The following TSC22D2 variants were observed in gnomAD, a reference collection of about 807,000 sequenced individuals.
The protein encoded by TSC22D2 is TSC22 domain family member 2, also known as TSC22 domain family protein 2.
In TSC22D2, 5 loss-of-function variants were observed where a neutral mutation model predicts 50.1. That is an observed-to-expected ratio of 0.10 (90% CI 0.05 to 0.21). The LOEUF is 0.21. Ranked by LOEUF, TSC22D2 falls within the 10% of genes least tolerant of loss-of-function variation. The pLI is 1.00. For missense variants in TSC22D2, 1,003 were observed against 1,015.5 expected, an observed-to-expected ratio of 0.99 and a Z score of 0.17; for synonymous variants, 501 against 450.1, an observed-to-expected ratio of 1.11 and a Z score of -1.43.
chr3:150,410,932 A>G lies in TSC22D2; in HGVS notation c.1582A>G (p.Met528Val), dbSNP rs763981131. 4 of 1,613,944 alleles carry G rather than the reference A, an allele frequency of 2.5e-6. No individual in the cohort carries two copies. The highest frequency in any genetic ancestry group is 2.7e-5 in the African/African-American group (2 of 74,924). ...TAGTGTGTCTACCACTTCTGTTACT[A>G]TGCCAAATGTACCCGCGCCTCTGGC... ...VPSVSTTSVT[M>V]PNVPAPLAQS... is the part of the protein sequence containing the mutation. The change falls in exon 1 of 3, where the codon ATG becomes GTG. Residue 528 changes from methionine (M) to valine (V), a missense_variant. Around this residue, in one of 6 missense-constraint regions of TSC22D2, gnomAD observed 696 missense variants for 647.8 expected, o/e 1.07. Transcript: ENST00000688009.
intron 1 of TSC22D2, among the ~76,000 whole-genome samples, chr3:150,415,397 TAGG>T (rs1282486093): frequency 6.6e-6 from 1 of 152,254 alleles, no homozygotes; most frequent in East Asian, 1.9e-4. Context: ...TTTTTCTTTT[TAGG>T]AGATCACAAC....
chr3:150,420,818 A>T (rs1028207477), intron 1 of TSC22D2, among the ~76,000 whole-genome samples: 5 of 147,960 alleles, frequency 3.4e-5, no homozygotes, highest in Non-Finnish European at 7.7e-5. Flanking sequence ...GTGGTGGCTC[A>T]TGCCTGTAAT....
At chr3:150,432,555 G>A (rs1217748752) in intron 1 of TSC22D2, among the ~76,000 whole-genome samples, 11 of 148,690 alleles carry the variant, frequency 7.4e-5, no homozygotes, top group African/African-American at 2.7e-4. Flanking sequence ...TTTTTCTACC[G>A]AATCTAAAAT....
chr3:150,430,478 G>A (rs1198826869), intron 1 of TSC22D2, among the ~76,000 whole-genome samples: 1 of 152,158 alleles, frequency 6.6e-6, no homozygotes, highest in Non-Finnish European at 1.5e-5. Flanking sequence ...TGACTCCAAA[G>A]TGCCAAACCT....
At chr3:150,455,801 T>A (rs1721167243) in intron 1 of TSC22D2, among the ~76,000 whole-genome samples, 1 of 152,214 alleles carries the variant, frequency 6.6e-6, no homozygotes, top group Admixed American at 6.5e-5. Context: ...TAGTAACATA[T>A]AAAAAATTAT....
intron 1 of TSC22D2, among the ~76,000 whole-genome samples, chr3:150,448,485 A>C (rs1720948701): frequency 6.6e-6 from 1 of 152,156 alleles, no homozygotes; most frequent in Non-Finnish European, 1.5e-5. Context: ...CATCTCTATA[A>C]AAACAACAAC....
rs759119717 is a variant in TSC22D2, at chr3:150,410,059, G to A, written c.709G>A (p.Gly237Arg). Residue 237 changes from glycine (G) to arginine (R), a missense_variant, in exon 1 of 3, where the codon GGG (glycine) becomes AGG (arginine). This residue lies in a region of TSC22D2 where 696 missense variants were observed against 647.8 expected (regional missense o/e 1.07). Coordinates refer to ENST00000688009, the MANE Select transcript of TSC22D2 (RefSeq NM_001303264.2). ...AGTGGCCTCCATGCAGGGGGCGCAC[G>A]GGCCCGAGTCGGGAACTGACAGCTC... ...VVVASMQGAHGPESGTDSSLT... is the reference protein window; with the variant it reads ...VVVASMQGAHRPESGTDSSLT... 6.2e-7 allele frequency: 1 copy of A among 1,613,092 alleles called. No homozygotes were observed. The highest frequency in any genetic ancestry group is 8.5e-7 in the Non-Finnish European group (1 of 1,180,022).
intron 1 of TSC22D2, among the ~76,000 whole-genome samples, chr3:150,414,228 A>G (rs1361816293): frequency 2.0e-5 from 3 of 152,208 alleles, no homozygotes; most frequent in Non-Finnish European, 4.4e-5. Flanking sequence ...AGAAAGGTTT[A>G]TGGTCAGTTG....
chr3:150,449,800 T>C (rs1720987438), intron 1 of TSC22D2, among the ~76,000 whole-genome samples: 1 of 151,996 alleles, frequency 6.6e-6, no homozygotes, highest in Non-Finnish European at 1.5e-5. Flanking sequence ...AGGAGAGAAA[T>C]CTGTTTTGGA....
chr3:150,413,153 T>C (rs962494022), intron 1 of TSC22D2, among the ~76,000 whole-genome samples: 20 of 152,204 alleles, frequency 1.3e-4, no homozygotes, highest in African/African-American at 4.8e-4. Context: ...GAAACTGAAA[T>C]GTATTCTTTA....
chr3:150,432,585 T>A (rs185037158), intron 1 of TSC22D2, among the ~76,000 whole-genome samples: 6,728 of 147,428 alleles, frequency 0.046, 178 homozygotes, highest in Middle Eastern at 0.074. Flanking sequence ...GAGCTTTTTT[T>A]AAAAAAAAAA....
intron 1 of TSC22D2, among the ~76,000 whole-genome samples, chr3:150,447,579 A>G (rs1720925736): frequency 6.6e-6 from 1 of 152,104 alleles, no homozygotes; most frequent in Non-Finnish European, 1.5e-5. Flanking sequence ...TATTTGCACC[A>G]CCTACTCCCC....
At chr3:150,453,129 G>A (rs1032053816) in intron 1 of TSC22D2, among the ~76,000 whole-genome samples, 2 of 152,008 alleles carry the variant, frequency 1.3e-5, no homozygotes, top group African/African-American at 2.4e-5. Context: ...GTAGGGTACC[G>A]GGTATATATA....
At chr3:150,424,110 C>T (rs1720097572) in intron 1 of TSC22D2, among the ~76,000 whole-genome samples, 1 of 152,156 alleles carries the variant, frequency 6.6e-6, no homozygotes, top group Admixed American at 6.5e-5. Flanking sequence ...GGGAAATTTT[C>T]TAACAGTATC....
intron 1 of TSC22D2, among the ~76,000 whole-genome samples, chr3:150,411,613 C>T (rs948169644): frequency 2.6e-5 from 4 of 152,092 alleles, no homozygotes; most frequent in African/African-American, 9.7e-5. Context: ...GTTATGCTCC[C>T]ATAGAATTGT....
chr3:150,433,628 C>A lies in TSC22D2; in HGVS notation c.1958+22320C>A, dbSNP rs117266676. On this transcript the variant is annotated intron_variant, in intron 1 of 2. Coordinates refer to ENST00000688009, the MANE Select transcript of TSC22D2 (RefSeq NM_001303264.2). ...ACCGTTGGTCTTCAGAAAATTTCTGCGTTTATTTGCAGTAGCTGTTTTTAT... is the reference window on the plus strand; with the variant it reads ...ACCGTTGGTCTTCAGAAAATTTCTGAGTTTATTTGCAGTAGCTGTTTTTAT... Among the ~76,000 whole-genome samples the A allele has an allele frequency of 3.3e-3, 502 of 152,248 alleles. 18 individuals are homozygous for A. Among genetic ancestry groups the A allele is most frequent in the East Asian group, 0.026 (137 of 5,176 alleles).
In TSC22D2 at chr3:150,410,209, C is replaced by A. The variant is rs1719472958; in HGVS notation, c.859C>A (p.Gln287Lys). 2.5e-6 allele frequency: 4 copies of A among 1,591,826 alleles called. No homozygotes were observed. In the East Asian group the frequency reaches 9.2e-5, roughly 36 times the overall value. Residue 287 changes from glutamine to lysine, a missense_variant, in exon 1 of 3, where the codon CAA becomes AAA. By Grantham distance (53) the Gln-to-Lys change is moderately conservative (BLOSUM62 1). Around this residue, in one of 6 missense-constraint regions of TSC22D2, gnomAD observed 696 missense variants for 647.8 expected, o/e 1.07. Transcript: ENST00000688009. ...GCCACCCGTAGGTGGGGCTGTGGCT[C>A]AAAGCTCGGCTCCGCTGCCGCCGTT... ...PPPPVGGAVA[Q>K]SSAPLPPFPG...
chr3:150,439,735 G>A (rs528488851), intron 1 of TSC22D2, among the ~76,000 whole-genome samples: 1 of 152,258 alleles, frequency 6.6e-6, no homozygotes, highest in South Asian at 2.1e-4. Context: ...AACATTGCTA[G>A]TGAATGTTTT....
At chr3:150,438,478 A>G (rs1720619211) in intron 1 of TSC22D2, 1 of 156,348 alleles carries the variant, frequency 6.4e-6, no homozygotes, top group African/African-American at 2.4e-5. Context: ...AAAACTTGGA[A>G]TTTTAAATAC....
Sources: allele counts gnomAD v4.1 joint callset (sites outside exome capture counted in the v4.1 genomes callset), GRCh38; gene constraint gnomAD v4.1.1; regional missense constraint gnomAD v4.1.1; transcripts MANE v1.5; gene names NCBI Gene and HGNC (gene_info 2026-07-23, HGNC 2026-07-21).